VDAC1: variants seen among roughly 807,000 people sequenced by gnomAD.
The protein encoded by VDAC1 is voltage dependent anion channel 1.
In VDAC1, 10 loss-of-function variants were observed where a neutral mutation model predicts 34.7. The ratio of observed to expected loss-of-function variants is 0.29; its 90% confidence interval spans 0.18 to 0.49. The LOEUF (loss-of-function observed/expected upper bound fraction) is 0.49. Among genes scored for constraint, VDAC1 ranks in the 20% least tolerant of loss-of-function variants. The probability of loss-of-function intolerance (pLI) is 0.99; values close to 1 mark genes in which losing one functional copy is unlikely to be tolerated. For synonymous variants in VDAC1, 130 were observed against 136.0 expected (o/e 0.96, Z 0.30); for missense variants, 230 against 347.9 (o/e 0.66, Z 2.69).
chr5:134,033,350 G>T, the VDAC1 span, among the ~76,000 whole-genome samples: 1 of 151,542 alleles, frequency 6.6e-6, no homozygotes, highest in Admixed American at 6.6e-5. Flanking sequence ...TAGAGACGGG[G>T]TTTCACCACG....
the VDAC1 span, among the ~76,000 whole-genome samples, chr5:134,084,517 G>T: frequency 6.6e-6 from 1 of 152,226 alleles, no homozygotes; most frequent in Non-Finnish European, 1.5e-5. Flanking sequence ...TGGTTGGGGG[G>T]TCCCTGCTGA....
chr5:134,040,100 C>G, the VDAC1 span, among the ~76,000 whole-genome samples: 3 of 151,926 alleles, frequency 2.0e-5, no homozygotes, highest in African/African-American at 7.3e-5. Flanking sequence ...CTTTTGGCAC[C>G]CGAGAGAGAG....
Position 133,973,674 on chromosome 5 carries a change from A to G in VDAC1, c.760+117T>C, listed in dbSNP as rs925622625. 19 of 858,950 alleles carry G rather than the reference A, an allele frequency of 2.2e-5. No homozygotes were observed. In the African/African-American group the frequency reaches 3.1e-4, roughly 14 times the overall value. The allele number at this position is 858,950 out of a possible 1,614,324, so 53.2% of individuals were successfully genotyped here. A position where few individuals can be genotyped will look rare whatever the true frequency, so the allele number is the denominator to read the frequency against. ...ATTTAATTATACTTTACATATATCC[A>G]TTTATATATACCCACTGTATTATAT... On this transcript the variant is annotated intron_variant, in intron 8 of 8. Transcript: ENST00000265333.
the VDAC1 span, among the ~76,000 whole-genome samples, chr5:134,023,957 AC>A: frequency 2.1e-5 from 3 of 145,718 alleles, no homozygotes; most frequent in Admixed American, 1.4e-4. Flanking sequence ...ACATGGCGAA[AC>A]CCCATCTCCA....
the VDAC1 span, among the ~76,000 whole-genome samples, chr5:134,044,606 C>T: frequency 8.3e-5 from 11 of 132,304 alleles, no homozygotes; most frequent in South Asian, 2.5e-3. Context: ...CATTGGTGCA[C>T]GTGTGTGTGC....
At chr5:134,030,997 G>A in the VDAC1 span, among the ~76,000 whole-genome samples, 1 of 151,990 alleles carries the variant, frequency 6.6e-6, no homozygotes, top group Non-Finnish European at 1.5e-5. Flanking sequence ...GATCCCAAGG[G>A]ACCCAACAAC....
the VDAC1 span, among the ~76,000 whole-genome samples, chr5:134,046,362 G>T: frequency 6.6e-6 from 1 of 151,702 alleles, no homozygotes; most frequent in South Asian, 2.1e-4. Context: ...ATAGAGACGG[G>T]GTCTCCTTAT....
chr5:134,014,345 A>T, the VDAC1 span, among the ~76,000 whole-genome samples: 1 of 152,198 alleles, frequency 6.6e-6, no homozygotes, highest in Non-Finnish European at 1.5e-5. Flanking sequence ...AAAAATGCTC[A>T]TCATCACTAA....
the VDAC1 span, among the ~76,000 whole-genome samples, chr5:134,104,425 G>A: frequency 1.3e-5 from 2 of 152,206 alleles, no homozygotes; most frequent in Admixed American, 6.5e-5. Context: ...GGTCTTGTAC[G>A]TGCAGGGCGA....
At chr5:133,993,400 TATC>T (rs1212020027) in intron 1 of VDAC1, among the ~76,000 whole-genome samples, 1 of 152,226 alleles carries the variant, frequency 6.6e-6, no homozygotes, top group Admixed American at 6.5e-5. Context: ...CAATAAAACA[TATC>T]ATCTTACAAA....
chr5:134,010,369 G>A, the VDAC1 span, among the ~76,000 whole-genome samples: 2 of 151,946 alleles, frequency 1.3e-5, no homozygotes, highest in Non-Finnish European at 1.5e-5. Context: ...AGGCTGAGGC[G>A]GGCAGATCAC....
chr5:134,068,369 A>G, the VDAC1 span, among the ~76,000 whole-genome samples: 1 of 144,970 alleles, frequency 6.9e-6, no homozygotes, highest in Non-Finnish European at 1.5e-5. Flanking sequence ...CTCTTCAGCA[A>G]TTTTTTCAAT....
At chr5:134,062,018 G>A in the VDAC1 span, among the ~76,000 whole-genome samples, 1 of 151,256 alleles carries the variant, frequency 6.6e-6, no homozygotes, top group East Asian at 1.9e-4. Flanking sequence ...TTGCTCTGTC[G>A]TCCAGGCTGG....
intron 1 of VDAC1, among the ~76,000 whole-genome samples, chr5:133,995,546 T>C (rs1468963092): frequency 6.6e-6 from 1 of 151,978 alleles, no homozygotes; most frequent in African/African-American, 2.4e-5. Flanking sequence ...GGGCCTGAAG[T>C]GACACCACCG....
intron 5 of VDAC1, 160 bp from the exon 6 acceptor site, chr5:133,981,116 A>T: frequency 1.6e-6 from 1 of 620,552 alleles, no homozygotes; most frequent in Non-Finnish European, 2.8e-6. Flanking sequence ...CACAATGAGC[A>T]GGACACAACC....
At chr5:134,034,423 G>C in the VDAC1 span, among the ~76,000 whole-genome samples, 2 of 152,172 alleles carry the variant, frequency 1.3e-5, no homozygotes, top group African/African-American at 4.8e-5. Flanking sequence ...CCAGTGACCA[G>C]TGTTCTCTGG....
the VDAC1 span, among the ~76,000 whole-genome samples, chr5:134,033,674 G>GAAAA: frequency 7.5e-6 from 1 of 132,510 alleles, no homozygotes; most frequent in African/African-American, 2.8e-5. Context: ...GCCCAAAATG[G>GAAAA]AAAAAAAAAA....
the VDAC1 span, among the ~76,000 whole-genome samples, chr5:134,025,642 T>A: frequency 6.6e-6 from 1 of 152,058 alleles, no homozygotes; most frequent in Non-Finnish European, 1.5e-5. Context: ...CAGGCTGGAG[T>A]GCAGTGGCGC....
chr5:134,105,363 A>G, the VDAC1 span, among the ~76,000 whole-genome samples: 1 of 152,104 alleles, frequency 6.6e-6, no homozygotes, highest in African/African-American at 2.4e-5. Context: ...GAGCCCCAAA[A>G]CTTTGGAGCC....
Sources: gnomAD v4.1 joint callset for allele counts (sites outside exome capture counted in the v4.1 genomes callset) on GRCh38, gnomAD v4.1.1 for gene constraint, MANE v1.5 for transcripts, NCBI Gene and HGNC (gene_info 2026-07-23, HGNC 2026-07-21) for gene names.